Variants in ERP27 observed in about 807,000 individuals in gnomAD.
The protein encoded by ERP27 is endoplasmic reticulum resident protein 27.
ERP27 carries 23 observed loss-of-function variants against 27.7 expected under a neutral mutation model. That is an observed-to-expected ratio of 0.83 (90% CI 0.60 to 1.18). The LOEUF (loss-of-function observed/expected upper bound fraction) is 1.18, where lower values mean the gene tolerates loss of function less well. Among genes scored for constraint, ERP27 ranks in the 50% most tolerant of loss-of-function variants. The pLI, the probability that ERP27 is intolerant of heterozygous loss-of-function variation, is 0.00. For synonymous variants in ERP27, 159 were observed against 118.3 expected (o/e 1.34, Z -2.23); for missense variants, 363 against 327.9 (o/e 1.11, Z -0.83).
At chr12:14,924,594 T>C (rs889938960) in intron 3 of ERP27, among the ~76,000 whole-genome samples, 2 of 152,208 alleles carry the variant, frequency 1.3e-5, no homozygotes, top group Non-Finnish European at 2.9e-5. Context: ...TGATATCTTA[T>C]TGTGGTTTTC....
intron 3 of ERP27, among the ~76,000 whole-genome samples, chr12:14,925,427 A>C (rs994595892): frequency 6.6e-6 from 1 of 152,180 alleles, no homozygotes; most frequent in African/African-American, 2.4e-5. Flanking sequence ...ATAGAAATCT[A>C]TACATTTCCT....
At chr12:14,928,093 A>C (rs1863633908) in intron 3 of ERP27, among the ~76,000 whole-genome samples, 1 of 152,184 alleles carries the variant, frequency 6.6e-6, no homozygotes, top group Non-Finnish European at 1.5e-5. Context: ...AATAGTTTGC[A>C]TCACTTTTGA....
chr12:14,929,144 C>G (rs550275029), intron 3 of ERP27: 332 of 1,426,302 alleles, frequency 2.3e-4, no homozygotes, highest in East Asian at 3.0e-4. Flanking sequence ...AGAATCCCCC[C>G]CTCCCTGTAC....
Position 14,914,471 on chromosome 12 carries a change from T to G in ERP27, c.*264A>C, listed in dbSNP as rs1232269092. On this transcript the variant is annotated 3_prime_UTR_variant, in exon 7 of 7. Coordinates refer to ENST00000266397, the MANE Select transcript of ERP27 (RefSeq NM_152321.4). ...GGGCTTACAGAGTATGAATGCACGA[T>G]AAGAAGGAAATTGGATAGGGAGTGA... 1 of 467,906 alleles carries G rather than the reference T, an allele frequency of 2.1e-6. No homozygotes were observed. Among genetic ancestry groups the G allele is most frequent in the African/African-American group, 2.0e-5 (1 of 50,830 alleles). 29.0% of individuals were successfully genotyped at this position (467,906 alleles called of 1,614,324 possible).
intron 3 of ERP27, among the ~76,000 whole-genome samples, chr12:14,927,787 C>T (rs1342129443): frequency 6.6e-6 from 1 of 151,838 alleles, no homozygotes; most frequent in Non-Finnish European, 1.5e-5. Flanking sequence ...CTTACACACA[C>T]ATTCATGCAC....
chr12:14,934,561 A>C (rs1306931736), intron 3 of ERP27, among the ~76,000 whole-genome samples: 1 of 152,190 alleles, frequency 6.6e-6, no homozygotes, highest in African/African-American at 2.4e-5. Context: ...TTATTTTATA[A>C]AGGAAAGAAT....
intron 3 of ERP27, 141 bp downstream of exon 3, chr12:14,934,715 C>A: frequency 1.9e-6 from 2 of 1,041,500 alleles, no homozygotes; most frequent in Non-Finnish European, 2.8e-6. Context: ...TGAATTGAGT[C>A]ATCATCCTTG....
chr12:14,928,196 G>A (rs1397818973), intron 3 of ERP27, among the ~76,000 whole-genome samples: 1 of 152,110 alleles, frequency 6.6e-6, no homozygotes, highest in Non-Finnish European at 1.5e-5. Flanking sequence ...TCTTGCCTTG[G>A]ATCAGAACCA....
intron 3 of ERP27, chr12:14,929,222 T>C: frequency 9.2e-7 from 1 of 1,092,666 alleles, no homozygotes; most frequent in Non-Finnish European, 1.2e-6. Flanking sequence ...ACTCTGGGTG[T>C]TTCTGGACTT....
At chr12:14,929,624 A>C (rs150445112) in intron 3 of ERP27, among the ~76,000 whole-genome samples, 33 of 152,322 alleles carry the variant, frequency 2.2e-4, no homozygotes, top group African/African-American at 7.7e-4. Flanking sequence ...CAGAAATAGT[A>C]AACTGGAAAT....
chr12:14,927,429 A>G (rs867755950), intron 3 of ERP27, among the ~76,000 whole-genome samples: 1 of 151,806 alleles, frequency 6.6e-6, no homozygotes, highest in East Asian at 1.9e-4. Flanking sequence ...AGCCCTTGAG[A>G]GGGCTTATCT....
Position 14,937,939 on chromosome 12 carries a change from G to C in ERP27, c.195+13C>G, listed in dbSNP as rs1331814005. On this transcript the variant is annotated intron_variant, in intron 2 of 6. Transcript: ENST00000266397. ...TTTCTGGCTCTTGGGGGAATTGCAA[G>C]TAGGGAACTAACCTGGAAGAAGCCT... 1 of 1,610,826 alleles carries C rather than the reference G, an allele frequency of 6.2e-7. No individual in the cohort carries two copies. The highest frequency in any genetic ancestry group is 8.5e-7 in the Non-Finnish European group (1 of 1,177,284).
chr12:14,930,954 GA>G (rs911377785), intron 3 of ERP27, among the ~76,000 whole-genome samples: 6 of 152,120 alleles, frequency 3.9e-5, no homozygotes, highest in Admixed American at 6.5e-5. Context: ...ATAGTTGAAA[GA>G]AAAAAAGTAG....
intron 3 of ERP27, 46 bp from the exon 4 acceptor site, chr12:14,921,094 C>A: frequency 6.6e-7 from 1 of 1,510,516 alleles, no homozygotes; most frequent in Non-Finnish European, 9.2e-7. Flanking sequence ...ATCTTTTTTT[C>A]ATGTATTGAT....
chr12:14,938,379 T>C lies in ERP27; in HGVS notation c.94+36A>G, dbSNP rs781356242. On this transcript the variant is annotated intron_variant, in intron 1 of 6. Transcript: ENST00000266397. ...CCCTTTCCTTCTCCTAATAACACTT[T>C]CACACTATAGCCACCCAACTACATT... 5.0e-6 allele frequency: 8 copies of C among 1,600,724 alleles called. No homozygotes were observed. The Admixed American group carries it at 8.3e-5, about 17-fold the overall frequency.
chr12:14,920,096 AC>A (rs1863477219), intron 4 of ERP27, among the ~76,000 whole-genome samples: 2 of 152,350 alleles, frequency 1.3e-5, no homozygotes, highest in East Asian at 3.9e-4. Context: ...AGAAATTAAT[AC>A]CCTGTAAGGT....
intron 2 of ERP27, among the ~76,000 whole-genome samples, chr12:14,936,945 T>A (rs1863782419): frequency 6.6e-6 from 1 of 152,180 alleles, no homozygotes; most frequent in Non-Finnish European, 1.5e-5. Context: ...AGGGAGCTGG[T>A]ATCTACTCTT....
intron 4 of ERP27, among the ~76,000 whole-genome samples, chr12:14,919,882 G>A (rs1863473625): frequency 6.6e-6 from 1 of 152,146 alleles, no homozygotes; most frequent in African/African-American, 2.4e-5. Flanking sequence ...TTTGAATAAT[G>A]TTATCAGTTG....
In ERP27 at chr12:14,937,976, C is replaced by A; in HGVS notation, c.171G>T (p.Glu57Asp). ...PAAMEFIAAT[E>D]VAVIGFFQDL... is the part of the protein sequence containing the mutation. ...CCTGGAAGAAGCCTATGACAGCCAC[C>A]TCAGTGGCAGCAATGAATTCCATGG... Residue 57 changes from glutamate to aspartate, a missense_variant, in exon 2 of 7, where the codon GAG becomes GAT. Transcript: ENST00000266397. The A allele has an allele frequency of 6.2e-7, 1 of 1,613,988 alleles. No individual in the cohort carries two copies. Among genetic ancestry groups the A allele is most frequent in the Non-Finnish European group, 8.5e-7 (1 of 1,179,908 alleles).
Sources: allele counts gnomAD v4.1 joint callset (sites outside exome capture counted in the v4.1 genomes callset), GRCh38; gene constraint gnomAD v4.1.1; transcripts MANE v1.5; gene names NCBI Gene and HGNC (gene_info 2026-07-23, HGNC 2026-07-21).